KMT2E: variants seen among roughly 807,000 people sequenced by gnomAD.
The protein encoded by KMT2E is histone reader KMT2E.
KMT2E carries 30 observed loss-of-function variants against 184.6 expected under a neutral mutation model. That is an observed-to-expected ratio of 0.16 (90% CI 0.12 to 0.22). KMT2E has a LOEUF of 0.22. Among genes scored for constraint, KMT2E ranks in the 10% least tolerant of loss-of-function variants. The pLI, the probability that KMT2E is intolerant of heterozygous loss-of-function variation, is 1.00. For missense variants in KMT2E, 2,023 were observed against 2,237.4 expected (o/e 0.90, Z 1.93); for synonymous variants, 815 against 776.5 (o/e 1.05, Z -0.82).
At chr7:105,109,506 C>A (rs951490785) in intron 23 of KMT2E, among the ~76,000 whole-genome samples, 9 of 152,180 alleles carry the variant, frequency 5.9e-5, no homozygotes, top group African/African-American at 1.7e-4. Flanking sequence ...TCCTTTATAA[C>A]CCCTACCAGT....
intron 18 of KMT2E, 58 bp from the exon 19 acceptor site, chr7:105,105,801 G>A: frequency 6.3e-7 from 1 of 1,577,064 alleles, no homozygotes. Flanking sequence ...TGTATTTACA[G>A]GCTATATAAA....
At chr7:105,031,137 A>G (rs1033974989) in intron 1 of KMT2E, among the ~76,000 whole-genome samples, 1 of 151,782 alleles carries the variant, frequency 6.6e-6, no homozygotes, top group Non-Finnish European at 1.5e-5. Context: ...TGGGTGGATC[A>G]CTTGAGGTCA....
chr7:105,057,471 TCTCA>T (rs1160305934), intron 3 of KMT2E, among the ~76,000 whole-genome samples: 1 of 152,086 alleles, frequency 6.6e-6, no homozygotes, highest in Non-Finnish European at 1.5e-5. Flanking sequence ...TGATACAGAG[TCTCA>T]CTCTGTCAAC....
intron 1 of KMT2E, among the ~76,000 whole-genome samples, chr7:105,016,072 A>G (rs547355699): frequency 3.3e-5 from 5 of 152,360 alleles, no homozygotes; most frequent in African/African-American, 1.2e-4. Context: ...TAGTAACTGT[A>G]TAAGTATCAT....
In KMT2E at chr7:105,112,557, G is replaced by A; in HGVS notation, c.4801G>A (p.Gly1601Arg). 6.2e-7 allele frequency: 1 copy of A among 1,613,982 alleles called. No homozygotes were observed. The highest frequency in any genetic ancestry group is 1.1e-5 in the South Asian group (1 of 91,066). The change falls in exon 27 of 27, where the codon GGA becomes AGA. Residue 1601 changes from glycine to arginine, a missense_variant. Transcript: ENST00000311117. ...PGTTSQQTVP[G>R]HHVTPGHFLP... ...CACCACAAGCCAGCAAACAGTTCCA[G>A]GACACCACGTGACTCCAGGGCATTT...
At chr7:105,101,654 T>A in intron 16 of KMT2E, 65 bp downstream of exon 16, 1 of 1,275,282 alleles carries the variant, frequency 7.8e-7, no homozygotes, top group Non-Finnish European at 1.0e-6. Context: ...ATACTTGCAT[T>A]AATTACTTAT....
rs538294110 is a variant in KMT2E, at chr7:105,103,442, C to T, written c.2196+1248C>T. 5.3e-5 allele frequency: 8 copies of T among 152,262 alleles called. No individual in the cohort carries two copies. In the South Asian group the frequency reaches 1.7e-3, roughly 32 times the overall value. 9.4% of individuals were successfully genotyped at this position (152,262 alleles called of 1,614,324 possible). ...TCTGTGCCAGATACTGTTCTAAGAG[C>T]TTTATGTATGTTATTGAACTTTTAA... On this transcript the variant is annotated intron_variant, in intron 17 of 26. Coordinates refer to ENST00000311117, the MANE Select transcript of KMT2E (RefSeq NM_182931.3).
In KMT2E at chr7:105,113,247, T is replaced by A; in HGVS notation, c.5491T>A (p.Ser1831Thr). ...TGGGGTTCAAGGACCTCAGCAGGCATCTCCAGTGCCTGGACAGATTCCAAT... is the reference window on the plus strand; with the variant it reads ...TGGGGTTCAAGGACCTCAGCAGGCAACTCCAGTGCCTGGACAGATTCCAAT... ...PHGVQGPQQA[S>T]PVPGQIPIHR... Residue 1831 changes from serine (S) to threonine (T), a missense_variant, in exon 27 of 27, where the codon TCT becomes ACT. Physicochemically the swap from Ser to Thr is moderately conservative, Grantham distance 58 (BLOSUM62 1). Transcript: ENST00000311117. 1 of 1,614,202 alleles carries A rather than the reference T, an allele frequency of 6.2e-7. No homozygotes were observed. Among genetic ancestry groups the A allele is most frequent in the Non-Finnish European group, 8.5e-7 (1 of 1,180,030 alleles).
chr7:105,059,975 GTTGTTTTTTTTTTTTTTTT>G (rs1796732579), intron 3 of KMT2E, among the ~76,000 whole-genome samples: 1 of 45,616 alleles, frequency 2.2e-5, no homozygotes, highest in African/African-American at 6.1e-5. Flanking sequence ...TTTTCTTGTT[GTTGTTTTTTTTTTTTTTTT>G]TTTTTTTTTT....
intron 1 of KMT2E, among the ~76,000 whole-genome samples, chr7:105,032,378 A>T (rs1478530784): frequency 6.6e-6 from 1 of 152,164 alleles, no homozygotes; most frequent in East Asian, 1.9e-4. Flanking sequence ...TGGGAGGTGG[A>T]GGTTGCAGTG....
At chr7:105,111,541 G>C (rs1288815177) in intron 26 of KMT2E, among the ~76,000 whole-genome samples, 1 of 151,900 alleles carries the variant, frequency 6.6e-6, no homozygotes, top group Non-Finnish European at 1.5e-5. Context: ...TCATTGCTTA[G>C]GGGTAAAAAG....
Position 105,077,334 on chromosome 7 carries a change from A to C in KMT2E, c.1031A>C (p.Lys344Thr), listed in dbSNP as rs775529354. 2 of 1,610,586 alleles carry C rather than the reference A, an allele frequency of 1.2e-6. No homozygotes were observed. Among genetic ancestry groups the C allele is most frequent in the South Asian group, 1.1e-5 (1 of 90,644 alleles). ...ATACAAAAGAATAAGAAAATTCTTA[A>C]ATCTGCAAAAGATTTGCCTCCTGAT... ...SHIQKNKKILKSAKDLPPDAL... is the reference protein window; with the variant it reads ...SHIQKNKKILTSAKDLPPDAL... The change falls in exon 11 of 27, where the codon AAA (lysine) becomes ACA (threonine). Residue 344 changes from lysine (K) to threonine (T), a missense_variant. Physicochemically the swap from Lys to Thr is moderately conservative, Grantham distance 78. Around this residue, in one of 8 missense-constraint regions of KMT2E, gnomAD observed 191 missense variants for 209.0 expected, o/e 0.91. Transcript: ENST00000311117.
rs938708453 is a variant in KMT2E, at chr7:105,073,746, T to C, written c.556+69T>C. 56 of 911,816 alleles carry C rather than the reference T, an allele frequency of 6.1e-5. No individual in the cohort carries two copies. In the African/African-American group the frequency reaches 6.4e-4, roughly 10 times the overall value. 56.5% of individuals were successfully genotyped at this position (911,816 alleles called of 1,614,324 possible). The stretch of plus-strand genomic sequence containing the variant: ...AGAGAATAAACGGTTCTCTCAACTT[T>C]TAGTTAAATGTAAATATTTTTAGTT... On this transcript the variant is annotated intron_variant, in intron 7 of 26. Coordinates refer to ENST00000311117, the MANE Select transcript of KMT2E (RefSeq NM_182931.3).
chr7:105,069,149 G>C (rs946230526), intron 6 of KMT2E, among the ~76,000 whole-genome samples: 1 of 152,172 alleles, frequency 6.6e-6, no homozygotes, highest in African/African-American at 2.4e-5. Flanking sequence ...TGGAGAGCTA[G>C]TCATGCCCTT....
At chr7:105,015,892 G>A (rs1355996819) in intron 1 of KMT2E, among the ~76,000 whole-genome samples, 3 of 150,816 alleles carry the variant, frequency 2.0e-5, no homozygotes, top group Non-Finnish European at 4.4e-5. Flanking sequence ...TTCCTGAAAG[G>A]CAAATAAAAT....
chr7:105,023,421 A>AG (rs1554376297), intron 1 of KMT2E, among the ~76,000 whole-genome samples: 2 of 149,770 alleles, frequency 1.3e-5, no homozygotes, highest in Admixed American at 1.3e-4. Flanking sequence ...AAAAAAAAAA[A>AG]AGAGAGACAA....
intron 6 of KMT2E, among the ~76,000 whole-genome samples, chr7:105,070,356 C>T (rs1046464273): frequency 6.6e-6 from 1 of 151,966 alleles, no homozygotes; most frequent in African/African-American, 2.4e-5. Context: ...GTTGGTTGGG[C>T]GCAGTGGCTC....
intron 1 of KMT2E, among the ~76,000 whole-genome samples, chr7:105,036,932 A>C (rs1795684642): frequency 6.6e-6 from 1 of 152,280 alleles, no homozygotes; most frequent in Admixed American, 6.5e-5. Context: ...TGACTTGCCC[A>C]AGCATTCGTA....
At chr7:105,104,202 CGTTT>C (rs1455205531) in intron 17 of KMT2E, 2 of 151,890 alleles carry the variant, frequency 1.3e-5, no homozygotes, top group African/African-American at 4.8e-5. Context: ...AATGGTTACT[CGTTT>C]TTTTTAAAGT....
Sources: allele counts gnomAD v4.1 joint callset (sites outside exome capture counted in the v4.1 genomes callset), GRCh38; gene constraint gnomAD v4.1.1; regional missense constraint gnomAD v4.1.1; transcripts MANE v1.5; gene names NCBI Gene and HGNC (gene_info 2026-07-23, HGNC 2026-07-21).